CPNE4: variants seen among roughly 807,000 people sequenced by gnomAD.
CPNE4 encodes copine 4.
A neutral mutation model predicts 67.9 loss-of-function variants in CPNE4; 25 were observed. The ratio of observed to expected loss-of-function variants is 0.37; its 90% CI spans 0.27 to 0.51. The LOEUF is 0.51. Among genes scored for constraint, CPNE4 ranks in the 20% least tolerant of loss-of-function variants. The pLI is 0.93. For synonymous variants in CPNE4, 242 were observed against 244.9 expected (o/e 0.99, Z 0.11); for missense variants, 464 against 690.8 (o/e 0.67, Z 3.68).
At chr3:131,883,470 C>T (rs1420421896) in intron 2 of CPNE4, among the ~76,000 whole-genome samples, 1 of 152,226 alleles carries the variant, frequency 6.6e-6, no homozygotes, top group South Asian at 2.1e-4. Context: ...TGGACAAATG[C>T]AGTAGCCTCC....
chr3:131,911,610 C>T (rs994370623), intron 1 of CPNE4, among the ~76,000 whole-genome samples: 40 of 147,502 alleles, frequency 2.7e-4, no homozygotes, highest in African/African-American at 1.0e-3. Context: ...TCAGGGACTA[C>T]TTCTTATACT....
intron 9 of CPNE4, among the ~76,000 whole-genome samples, chr3:131,575,646 A>C (rs76510630): frequency 0.036 from 5,522 of 152,278 alleles, 296 homozygotes; most frequent in African/African-American, 0.12. Flanking sequence ...ATTGGGCATT[A>C]CTGAATGACA....
At chr3:131,826,378 T>A (rs990687300) in intron 2 of CPNE4, among the ~76,000 whole-genome samples, 3 of 152,008 alleles carry the variant, frequency 2.0e-5, no homozygotes, top group Non-Finnish European at 4.4e-5. Context: ...AAATTTTCTT[T>A]GTAAAGATGG....
chr3:131,605,068 C>A (rs1054231091), intron 7 of CPNE4, among the ~76,000 whole-genome samples: 2 of 152,102 alleles, frequency 1.3e-5, no homozygotes, highest in African/African-American at 4.8e-5. Context: ...TTGAAGGACA[C>A]TGAAGCCCAG....
chr3:131,740,383 T>C (rs1259706781), intron 2 of CPNE4, among the ~76,000 whole-genome samples: 1 of 152,206 alleles, frequency 6.6e-6, no homozygotes, highest in African/African-American at 2.4e-5. Flanking sequence ...CCTGAACATC[T>C]TTTGAGGCAG....
At chr3:131,704,866 T>G (rs1391919764) in intron 3 of CPNE4, among the ~76,000 whole-genome samples, 2 of 150,416 alleles carry the variant, frequency 1.3e-5, no homozygotes, top group Non-Finnish European at 2.9e-5. Flanking sequence ...GTATCCCATA[T>G]TGAAGCTGTA....
intron 7 of CPNE4, among the ~76,000 whole-genome samples, chr3:131,645,788 G>GA: frequency 6.6e-6 from 1 of 152,030 alleles, no homozygotes; most frequent in Non-Finnish European, 1.5e-5. Context: ...CTCACTTCCT[G>GA]AAAAAAGGTA....
At chr3:131,910,530 G>C (rs1401611649) in intron 1 of CPNE4, among the ~76,000 whole-genome samples, 1 of 152,152 alleles carries the variant, frequency 6.6e-6, no homozygotes, top group Admixed American at 6.6e-5. Flanking sequence ...GTCTCAGCTG[G>C]AGTACAGCTT....
chr3:131,556,372 T>C (rs1936456415), intron 11 of CPNE4, among the ~76,000 whole-genome samples: 1 of 152,010 alleles, frequency 6.6e-6, no homozygotes, highest in Admixed American at 6.6e-5. Flanking sequence ...CAAGACTCTA[T>C]CTCAAAAGCA....
At chr3:131,847,633 C>T (rs957418148) in intron 2 of CPNE4, among the ~76,000 whole-genome samples, 32 of 152,156 alleles carry the variant, frequency 2.1e-4, no homozygotes, top group African/African-American at 7.5e-4. Context: ...AAACGTAACA[C>T]TCTTTGCATT....
At chr3:131,920,021 TG>T (rs1342943564) in intron 1 of CPNE4, among the ~76,000 whole-genome samples, 3 of 152,152 alleles carry the variant, frequency 2.0e-5, no homozygotes, top group African/African-American at 7.2e-5. Flanking sequence ...AGTCAGCAGG[TG>T]TGAGTTGCTT....
chr3:131,638,067 C>T (rs2079439502), intron 7 of CPNE4, among the ~76,000 whole-genome samples: 1 of 151,832 alleles, frequency 6.6e-6, no homozygotes, highest in Admixed American at 6.6e-5. Flanking sequence ...TTGAAATACA[C>T]CAAAATAGAA....
intron 2 of CPNE4, among the ~76,000 whole-genome samples, chr3:131,862,617 C>A: frequency 6.6e-6 from 1 of 151,912 alleles, no homozygotes; most frequent in Admixed American, 6.6e-5. Flanking sequence ...ACTATCTGGC[C>A]TCAATTCACC....
chr3:131,579,179 A>C (rs975710069), intron 9 of CPNE4, among the ~76,000 whole-genome samples: 18 of 152,092 alleles, frequency 1.2e-4, no homozygotes, highest in Admixed American at 7.2e-4. Flanking sequence ...AAATTCTAGC[A>C]CTCTTAACAA....
chr3:131,990,526 T>C (rs1583568284), intron 1 of CPNE4, among the ~76,000 whole-genome samples: 1 of 136,484 alleles, frequency 7.3e-6, no homozygotes, highest in Non-Finnish European at 1.7e-5. Flanking sequence ...GCATTTCAAG[T>C]ACATATTCAA....
At chr3:132,028,515 G>A (rs1169172354) in intron 1 of CPNE4, among the ~76,000 whole-genome samples, 6 of 152,112 alleles carry the variant, frequency 3.9e-5, no homozygotes, top group Non-Finnish European at 4.4e-5. Context: ...GGGGGAAGGG[G>A]TAAGAGATGG....
At chr3:131,936,965 A>C (rs908485859) in intron 1 of CPNE4, among the ~76,000 whole-genome samples, 1 of 150,780 alleles carries the variant, frequency 6.6e-6, no homozygotes, top group African/African-American at 2.4e-5. Flanking sequence ...TGAGAAAAGC[A>C]AAAAAAAAGG....
chr3:131,688,142 C>T (rs1202186143), intron 5 of CPNE4, among the ~76,000 whole-genome samples: 1 of 152,146 alleles, frequency 6.6e-6, no homozygotes, highest in Non-Finnish European at 1.5e-5. Flanking sequence ...AGTCTAGAAA[C>T]TTTGTAGTAT....
chr3:131,930,911 C>T (rs184485938), intron 1 of CPNE4, among the ~76,000 whole-genome samples: 2 of 152,168 alleles, frequency 1.3e-5, no homozygotes, highest in Admixed American at 1.3e-4. Flanking sequence ...TCTTCACATG[C>T]CTGCGCCTCT....
Sources: gnomAD v4.1 joint callset for allele counts (sites outside exome capture counted in the v4.1 genomes callset) on GRCh38, gnomAD v4.1.1 for gene constraint, MANE v1.5 for transcripts, NCBI Gene and HGNC (gene_info 2026-07-23, HGNC 2026-07-21) for gene names.